Variants in KRI1 observed in about 807,000 individuals in gnomAD.
KRI1 encodes the protein KRI1 homolog.
Under a neutral mutation model 97.0 loss-of-function variants are expected in KRI1, and 83 were observed. That is an observed-to-expected ratio of 0.86 (90% CI 0.72 to 1.03). The LOEUF (loss-of-function observed/expected upper bound fraction) is 1.03, where lower values mean the gene tolerates loss of function less well. Among genes scored for constraint, KRI1 ranks in the 50% least tolerant of loss-of-function variants. The pLI is 0.00. For missense variants in KRI1, 916 were observed against 928.4 expected (o/e 0.99, Z 0.17); for synonymous variants, 371 against 363.5 (o/e 1.02, Z -0.23).
In KRI1 at chr19:10,562,783, A is replaced by G; in HGVS notation, c.329T>C (p.Val110Ala). The change falls in exon 4 of 19, where the codon GTG becomes GCG. Residue 110 changes from valine (V) to alanine (A), a missense_variant. Around this residue, in one of 3 missense-constraint regions of KRI1, gnomAD observed 173 missense variants for 153.1 expected, o/e 1.13. Transcript: ENST00000312962. The stretch of plus-strand genomic sequence containing the variant: ...GTAGTCCTTCAGGTACATGGGCCGC[A>G]CTTTCTTCTGCTTCTCCAAGGCTTC... ...DPEALEKQKK[V>A]RPMYLKDYER... 1 of 1,613,590 alleles carries G rather than the reference A, an allele frequency of 6.2e-7. No individual in the cohort carries two copies. The highest frequency in any genetic ancestry group is 8.5e-7 in the Non-Finnish European group (1 of 1,179,606).
At position 10,561,709 on chromosome 19, in the gene KRI1, G is replaced by C. The variant is rs559715411; in HGVS notation, c.446C>G (p.Ser149Trp). 5 of 1,613,930 alleles carry C rather than the reference G, an allele frequency of 3.1e-6. No homozygotes were observed. In the South Asian group the frequency reaches 5.5e-5, roughly 18 times the overall value. Residue 149 changes from serine to tryptophan, a missense_variant, in exon 6 of 19, where the codon TCG (serine) becomes TGG (tryptophan). Transcript: ENST00000312962. ...ETSNHRLQETSSQSYVEEQKQ... is the reference protein window; with the variant it reads ...ETSNHRLQETWSQSYVEEQKQ... ...CTGTTCCTCCACATAACTTTGCGAC[G>C]ATGTCTCCTGCAGAGAGGGCCATAG...
In KRI1 at chr19:10,558,186, A is replaced by G. The variant is rs375541046; in HGVS notation, c.1248T>C (p.Phe416=). Residue 416 remains phenylalanine (F), a synonymous_variant, in exon 13 of 19, where the codon TTT becomes TTC. Transcript: ENST00000312962. ...YGAVEEEKPQ[F]EEEEGLEDDW... ...CACCTTCAAGCCCTTCTTCTTCCTC[A>G]AATTGTGGCTTCTCCTCCTCCACGG... is the stretch of plus-strand genomic sequence containing the variant. 7.4e-6 allele frequency: 12 copies of G among 1,613,684 alleles called. No individual in the cohort carries two copies. Among genetic ancestry groups the G allele is most frequent in the Middle Eastern group, 1.6e-4 (1 of 6,084 alleles).
In KRI1 at chr19:10,555,275, G is replaced by A. The variant is rs7251746; in HGVS notation, c.1682+10C>T. ...TGCGCATGTGGCCCCGCCGCGCCCC[G>A]CCCCATCACCTGTACATGCAGGTCT... On this transcript the variant is annotated intron_variant, in intron 17 of 18. Transcript: ENST00000312962. 235,131 of 1,008,272 alleles carry A rather than the reference G, an allele frequency of 0.23. 17,870 individuals are homozygous for A. Among genetic ancestry groups the A allele is most frequent in the Middle Eastern group, 0.29 (1,071 of 3,754 alleles). 62.5% of individuals were successfully genotyped at this position (1,008,272 alleles called of 1,614,324 possible).
intron 8 of KRI1, 21 bp downstream of exon 8, chr19:10,560,982 C>T (rs375024770): frequency 2.5e-6 from 4 of 1,582,018 alleles, no homozygotes; most frequent in East Asian, 4.5e-5. Context: ...ACTCCATCAG[C>T]GACCATGCGT....
chr19:10,554,062 G>T lies in KRI1; in HGVS notation c.2001C>A (p.Cys667Ter). The change falls in exon 19 of 19, where the codon TGC (cysteine) becomes TGA (stop). Residue 667 changes from cysteine to a stop codon, truncating the protein, a stop_gained. Coordinates refer to ENST00000312962, the MANE Select transcript of KRI1 (RefSeq NM_023008.5). LOFTEE classifies it high-confidence loss of function. ...LLGPTVMLGG[C>*]EFSRQRLQAF... is the part of the protein sequence containing the mutation. ...CCTGCAGTCTCTGGCGGCTGAACTC[G>T]CATCCACCAAGCATCACAGTGGGGC... 6.2e-7 allele frequency: 1 copy of T among 1,614,180 alleles called. No homozygotes were observed. The highest frequency in any genetic ancestry group is 8.5e-7 in the Non-Finnish European group (1 of 1,180,020).
Position 10,566,002 on chromosome 19 carries a change from C to G in KRI1, c.-3G>C, listed in dbSNP as rs111420440. 2.0e-6 allele frequency: 3 copies of G among 1,517,144 alleles called. No individual in the cohort carries two copies. The highest frequency in any genetic ancestry group is 2.6e-6 in the Non-Finnish European group (3 of 1,138,228). 94.0% of individuals were successfully genotyped at this position (1,517,144 alleles called of 1,614,324 possible). A position where few individuals can be genotyped will look rare whatever the true frequency, so the allele number is the denominator to read the frequency against. On this transcript the variant is annotated 5_prime_UTR_variant, in exon 1 of 19. Coordinates refer to ENST00000312962, the MANE Select transcript of KRI1 (RefSeq NM_023008.5). ...GACGACCCGCGCGGTTCCGGCATGG[C>G]GGTTCTGTGGCCCATTGCGCACGCG...
In KRI1 at chr19:10,559,518, C is replaced by T. The variant is rs766536165; in HGVS notation, c.1035G>A (p.Lys345=). 1 of 1,613,996 alleles carries T rather than the reference C, an allele frequency of 6.2e-7. No homozygotes were observed. Among genetic ancestry groups the T allele is most frequent in the Admixed American group, 1.7e-5 (1 of 59,996 alleles). Residue 345 remains lysine, a synonymous_variant, in exon 12 of 19, where the codon AAG becomes AAA. Transcript: ENST00000312962. ...TRERKKREKA[K]KQEELKQLKN... Reference sequence around the variant, plus strand: ...TCAGCTGCTTGAGCTCTTCCTGCTTCTTTGCTTTCTCCTGCAGGCCCAGGC... The same window carrying T: ...TCAGCTGCTTGAGCTCTTCCTGCTTTTTTGCTTTCTCCTGCAGGCCCAGGC...
chr19:10,554,226 G>A lies in KRI1; in HGVS notation c.1837C>T (p.Gln613Ter). Reference protein sequence around the residue: ...GKPQRDEAGPQRQLPALDGSL... With the variant: ...GKPQRDEAGP ...CCATCAAGGGCTGGCAGCTGCCTCT[G>A]TGGGCCGGCTTCATCTCTCTGTGGC... is the stretch of plus-strand genomic sequence containing the variant. The change falls in exon 19 of 19, where the codon CAG (glutamine) becomes TAG (stop). Residue 613 changes from glutamine (Q) to a stop codon, truncating the protein, a stop_gained. Transcript: ENST00000312962. LOFTEE classifies it low-confidence loss of function (END_TRUNC). The A allele has an allele frequency of 6.2e-7, 1 of 1,614,032 alleles. No homozygotes were observed. The highest frequency in any genetic ancestry group is 8.5e-7 in the Non-Finnish European group (1 of 1,180,026).
rs1156831291 is a variant in KRI1, at chr19:10,557,638, C to A, written c.1531G>T (p.Asp511Tyr). The A allele has an allele frequency of 1.2e-6, 2 of 1,614,186 alleles. No homozygotes were observed. The highest frequency in any genetic ancestry group is 1.1e-5 in the South Asian group (1 of 91,080). ...AGGTCGTCGATGATGTCCTCGTAGT[C>A]CAGCCGGTAATACTCATCCAGGTAC... The part of the protein sequence containing the change: ...EEYLDEYYRL[D>Y]YEDIIDDLPC... The change falls in exon 16 of 19, where the codon GAC becomes TAC. Residue 511 changes from aspartate to tyrosine, a missense_variant. By Grantham distance (160) the Asp-to-Tyr change is radical (BLOSUM62 -3). This residue lies in a region of KRI1 where 672 missense variants were observed against 667.2 expected (regional missense o/e 1.01). Transcript: ENST00000312962.
chr19:10,563,025 G>A (rs1162259029), intron 3 of KRI1, among the ~76,000 whole-genome samples, 188 bp from the exon 4 acceptor site: 7 of 151,954 alleles, frequency 4.6e-5, no homozygotes, highest in African/African-American at 1.7e-4. Context: ...AGTAATTCCT[G>A]CTTTGATTAT....
At position 10,559,911 on chromosome 19, in the gene KRI1, C is replaced by A. The variant is rs762066996; in HGVS notation, c.826G>T (p.Ala276Ser). 6.2e-7 allele frequency: 1 copy of A among 1,612,506 alleles called. No homozygotes were observed. The highest frequency in any genetic ancestry group is 1.7e-5 in the Admixed American group (1 of 60,008). ...CCTTCGTCTGAGGAGTCGTCCACAG[C>A]CAGCTGGACTGGGGGACCGTGGACC... ...EGVHGPPVQL[A>S]VDDSSDEGEL... Residue 276 changes from alanine to serine, a missense_variant, in exon 10 of 19, where the codon GCT becomes TCT. Ala to Ser is a moderately conservative substitution (Grantham distance 99). This residue lies in a region of KRI1 where 672 missense variants were observed against 667.2 expected (regional missense o/e 1.01). Transcript: ENST00000312962.
In KRI1 at chr19:10,563,125, G is replaced by A. The variant is rs145554379; in HGVS notation, c.275-288C>T. On this transcript the variant is annotated intron_variant, in intron 3 of 18. Transcript: ENST00000312962. The stretch of plus-strand genomic sequence containing the variant: ...GGCTGGAGTGCAATGGCATGATCTC[G>A]GCTCACTGCAACCTCTGCCTCCCGG... Among the ~76,000 whole-genome samples the A allele has an allele frequency of 9.1e-3, 1,375 of 151,648 alleles. 13 individuals are homozygous for A. Among genetic ancestry groups the A allele is most frequent in the Middle Eastern group, 0.017 (5 of 294 alleles).
At chr19:10,565,251 G>C in intron 2 of KRI1, 1 of 582,420 alleles carries the variant, frequency 1.7e-6, no homozygotes, top group Non-Finnish European at 3.0e-6. Flanking sequence ...GGAAGGTGAG[G>C]GGCAAGGAGA....
At chr19:10,564,643 G>A (rs1916804831) in intron 3 of KRI1, among the ~76,000 whole-genome samples, 1 of 152,112 alleles carries the variant, frequency 6.6e-6, no homozygotes, top group Admixed American at 6.6e-5. Context: ...TAGTGCCAAG[G>A]ACACAGTCAT....
intron 3 of KRI1, among the ~76,000 whole-genome samples, chr19:10,564,469 A>AG (rs575945756): frequency 3.3e-5 from 5 of 152,218 alleles, no homozygotes; most frequent in Admixed American, 3.3e-4. Flanking sequence ...TCAAAAAAAA[A>AG]AAAAGAGAAA....
chr19:10,559,610 C>T lies in KRI1; in HGVS notation c.1023+3G>A, dbSNP rs1342735918. 1.2e-6 allele frequency: 2 copies of T among 1,613,912 alleles called. No individual in the cohort carries two copies. Among genetic ancestry groups the T allele is most frequent in the Non-Finnish European group, 8.5e-7 (1 of 1,180,030 alleles). ...TCCTCCCCAGCTCACCCCCCACACT[C>T]ACCCTCTTCTTTCGCTCCCGAGTCT... is the stretch of plus-strand genomic sequence containing the variant. On this transcript the variant is annotated splice_donor_region_variant and intron_variant, in intron 11 of 18. Coordinates refer to ENST00000312962, the MANE Select transcript of KRI1 (RefSeq NM_023008.5).
intron 9 of KRI1, 95 bp downstream of exon 9, chr19:10,560,217 A>T (rs966174160): frequency 2.1e-6 from 3 of 1,458,852 alleles, no homozygotes; most frequent in Non-Finnish European, 1.8e-6. Flanking sequence ...AAAAAAATAC[A>T]CACATGGTGC....
intron 4 of KRI1, 42 bp downstream of exon 4, chr19:10,562,687 G>T: frequency 8.4e-7 from 1 of 1,194,088 alleles, no homozygotes; most frequent in South Asian, 1.2e-5. Flanking sequence ...AGACCTGACA[G>T]GGCTGGGAAC....
Position 10,565,051 on chromosome 19 carries a change from G to A in KRI1, c.169-17C>T. On this transcript the variant is annotated splice_polypyrimidine_tract_variant and intron_variant, in intron 2 of 18. Coordinates refer to ENST00000312962, the MANE Select transcript of KRI1 (RefSeq NM_023008.5). ...ATCAAATTCCTAGGGCAGGAAAAGG[G>A]TTGGGGATAGATTTCAGAAGGGAGA... is the stretch of plus-strand genomic sequence containing the variant. 1.3e-6 allele frequency: 2 copies of A among 1,526,574 alleles called. No homozygotes were observed. Among genetic ancestry groups the A allele is most frequent in the Non-Finnish European group, 1.8e-6 (2 of 1,100,386 alleles). 94.6% of individuals were successfully genotyped at this position (1,526,574 alleles called of 1,614,324 possible).
Sources: gnomAD v4.1 joint callset for allele counts (sites outside exome capture counted in the v4.1 genomes callset) on GRCh38, gnomAD v4.1.1 for gene constraint, gnomAD v4.1.1 regional missense constraint, MANE v1.5 for transcripts, NCBI Gene and HGNC (gene_info 2026-07-23, HGNC 2026-07-21) for gene names.